SSH2: variants seen among roughly 807,000 people sequenced by gnomAD.
The protein encoded by SSH2 is slingshot protein phosphatase 2, also known as protein phosphatase Slingshot homolog 2.
Under a neutral mutation model 135.2 loss-of-function variants are expected in SSH2, and 37 were observed. That is an observed-to-expected ratio of 0.27 (90% CI 0.21 to 0.36). SSH2 has a LOEUF of 0.36. Among genes scored for constraint, SSH2 ranks in the 10% least tolerant of loss-of-function variants. The pLI is 1.00. For synonymous variants in SSH2, 628 were observed against 646.2 expected, an observed-to-expected ratio of 0.97 and a Z score of 0.43; for missense variants, 1,408 against 1,765.3, an observed-to-expected ratio of 0.80 and a Z score of 3.63.
chr17:29,928,724 A>G (rs1488981213), intron 1 of SSH2: 1 of 395,030 alleles, frequency 2.5e-6, no homozygotes, highest in Non-Finnish European at 4.5e-6. Flanking sequence ...GAAATTCAGG[A>G]AATTATACTG....
chr17:29,790,729 A>ATTTTT lies in SSH2; in HGVS notation c.188+3160_188+3164dup, dbSNP rs202130886. On this transcript the variant is annotated intron_variant, in intron 3 of 15. Transcript: ENST00000540801. Reference sequence around the variant, plus strand: ...TAGTTTGGTCTAATTGTACTGAAAGATTTTTTTTTTTTTTTTTGAGACAGA... The same window carrying ATTTTT: ...TAGTTTGGTCTAATTGTACTGAAAGATTTTTTTTTTTTTTTTTTTTTTGAGACAGA... 8.5e-4 allele frequency among the ~76,000 whole-genome samples: 119 copies of ATTTTT among 140,802 alleles called. 2 individuals carry two copies. The Admixed American group carries it at 8.5e-3, about 10-fold the overall frequency. 92.4% of individuals were successfully genotyped at this position (140,802 alleles called of 152,430 possible).
intron 4 of SSH2, among the ~76,000 whole-genome samples, chr17:29,698,772 C>T (rs961045208): frequency 6.6e-6 from 1 of 152,206 alleles, no homozygotes; most frequent in Non-Finnish European, 1.5e-5. Flanking sequence ...GCTGGGATTA[C>T]AGGCACAGAC....
chr17:29,800,811 A>G (rs1383796521), intron 2 of SSH2, among the ~76,000 whole-genome samples: 1 of 151,660 alleles, frequency 6.6e-6, no homozygotes, highest in Non-Finnish European at 1.5e-5. Flanking sequence ...TAGAAACAGT[A>G]AGGTATTACA....
rs571344869 is a variant in SSH2 at position 29,628,367 on chromosome 17, G to C, written c.*2474C>G. Reference sequence around the variant, plus strand: ...TAGTGGGTTTTGTCCCATCTTTGTTGTTATTTAATGCAGTGAGTGAACATT... The same window carrying C: ...TAGTGGGTTTTGTCCCATCTTTGTTCTTATTTAATGCAGTGAGTGAACATT... On this transcript the variant is annotated 3_prime_UTR_variant, in exon 16 of 16. Coordinates refer to ENST00000540801, the MANE Select transcript of SSH2 (RefSeq NM_001282129.2). 3 of 152,238 alleles carry C rather than the reference G, an allele frequency of 2.0e-5. No homozygotes were observed. The East Asian group carries it at 5.8e-4, about 29-fold the overall frequency. The allele number at this position is 152,238 out of a possible 1,614,324, so 9.4% of individuals were successfully genotyped here.
chr17:29,704,702 CT>C (rs1216825993), intron 3 of SSH2, among the ~76,000 whole-genome samples: 1 of 100,810 alleles, frequency 9.9e-6, no homozygotes, highest in African/African-American at 4.8e-5. Flanking sequence ...GACTCTGTCT[CT>C]TAAAAAAAAA....
chr17:29,837,617 C>T (rs1483918137), intron 2 of SSH2, among the ~76,000 whole-genome samples: 2 of 152,314 alleles, frequency 1.3e-5, no homozygotes, highest in African/African-American at 4.8e-5. Flanking sequence ...GACCCACTCT[C>T]CCAGGCCCAG....
At chr17:29,777,342 A>G (rs759981174) in intron 3 of SSH2, among the ~76,000 whole-genome samples, 1 of 152,212 alleles carries the variant, frequency 6.6e-6, no homozygotes, top group Non-Finnish European at 1.5e-5. Context: ...TAGTTAACAC[A>G]TACATACTTA....
chr17:29,707,528 ATTT>A (rs773812846), intron 3 of SSH2, among the ~76,000 whole-genome samples: 3 of 144,008 alleles, frequency 2.1e-5, no homozygotes, highest in Non-Finnish European at 3.1e-5. Context: ...ACAGACTACT[ATTT>A]TTTTTTTTTT....
chr17:29,821,998 A>G (rs938263664), intron 2 of SSH2, among the ~76,000 whole-genome samples: 6 of 152,238 alleles, frequency 3.9e-5, no homozygotes, highest in Non-Finnish European at 8.8e-5. Context: ...GTCATAAGAA[A>G]CTGGAAACAT....
intron 1 of SSH2, among the ~76,000 whole-genome samples, chr17:29,854,904 G>A (rs1419306313): frequency 1.3e-5 from 2 of 151,856 alleles, no homozygotes; most frequent in South Asian, 2.1e-4. Flanking sequence ...CCGAGATTGC[G>A]CCACTGCACT....
At chr17:29,665,862 T>C (rs1238843613) in intron 11 of SSH2, among the ~76,000 whole-genome samples, 1 of 152,188 alleles carries the variant, frequency 6.6e-6, no homozygotes, top group Non-Finnish European at 1.5e-5. Flanking sequence ...TGAAGAACAA[T>C]TTTTAGTCAC....
In SSH2 at chr17:29,883,096, T is replaced by C. The variant is rs148218910; in HGVS notation, c.64-34167A>G. On this transcript the variant is annotated intron_variant, in intron 1 of 15. Transcript: ENST00000540801. ...TAAACCTTGTTACAATATCAGCACA[T>C]TACCTGTCTGATGTGAAAAGAAATA... The C allele has an allele frequency of 9.2e-5, 14 of 152,028 alleles. No individual in the cohort carries two copies. The East Asian group carries it at 2.7e-3, about 29-fold the overall frequency. The allele number at this position is 152,028 out of a possible 1,614,324, so 9.4% of individuals were successfully genotyped here.
At chr17:29,837,034 A>G (rs533503022) in intron 2 of SSH2, among the ~76,000 whole-genome samples, 1 of 152,260 alleles carries the variant, frequency 6.6e-6, no homozygotes, top group African/African-American at 2.4e-5. Flanking sequence ...AGGAGGGCGG[A>G]TCACTTGAGG....
At chr17:29,758,479 T>C (rs2041198396) in intron 3 of SSH2, among the ~76,000 whole-genome samples, 1 of 152,216 alleles carries the variant, frequency 6.6e-6, no homozygotes, top group African/African-American at 2.4e-5. Flanking sequence ...AAATGGTCAA[T>C]AAACAGCAGC....
At chr17:29,722,055 T>C (rs1264088473) in intron 3 of SSH2, among the ~76,000 whole-genome samples, 1 of 152,020 alleles carries the variant, frequency 6.6e-6, no homozygotes, top group Non-Finnish European at 1.5e-5. Context: ...GGAGGGTGGA[T>C]CACGAGGTCA....
At chr17:29,815,848 A>T (rs1342041342) in intron 2 of SSH2, among the ~76,000 whole-genome samples, 3 of 150,486 alleles carry the variant, frequency 2.0e-5, no homozygotes, top group Admixed American at 1.3e-4. Flanking sequence ...TTTATTTTTT[A>T]TTTTTTTTCT....
intron 1 of SSH2, among the ~76,000 whole-genome samples, chr17:29,887,014 T>C (rs1015712534): frequency 3.9e-5 from 6 of 152,082 alleles, no homozygotes; most frequent in African/African-American, 1.2e-4. Context: ...AAACCAGGAC[T>C]AGAAAGATGA....
At chr17:29,868,547 G>A (rs894619304) in intron 1 of SSH2, among the ~76,000 whole-genome samples, 1 of 152,076 alleles carries the variant, frequency 6.6e-6, no homozygotes, top group African/African-American at 2.4e-5. Context: ...AGATGAGCCT[G>A]GGCAACAAGG....
chr17:29,658,867 C>CAAAAAAAAAAAA (rs541052752), intron 11 of SSH2, among the ~76,000 whole-genome samples: 9 of 33,406 alleles, frequency 2.7e-4, no homozygotes, highest in Non-Finnish European at 3.9e-4. Context: ...AACTCCGTCT[C>CAAAAAAAAAAAA]AAAAAAAAAA....
Sources: gnomAD v4.1 joint callset for allele counts (sites outside exome capture counted in the v4.1 genomes callset) on GRCh38, gnomAD v4.1.1 for gene constraint, MANE v1.5 for transcripts, NCBI Gene and HGNC (gene_info 2026-07-23, HGNC 2026-07-21) for gene names.